The following NDUFS4 variants were observed in gnomAD, a reference collection of about 807,000 sequenced individuals.
NDUFS4 encodes NADH:ubiquinone oxidoreductase subunit S4.
In NDUFS4, 28 loss-of-function variants were observed where a neutral mutation model predicts 24.3. The observed-to-expected ratio is 1.15, with a 90% CI of 0.85 to 1.58. The LOEUF is 1.58. Among genes scored for constraint, NDUFS4 ranks in the 40% most tolerant of loss-of-function variants. The pLI is 0.00. For missense variants in NDUFS4, 223 were observed against 207.9 expected, an observed-to-expected ratio of 1.07 and a Z score of -0.45; for synonymous variants, 93 against 69.7, an observed-to-expected ratio of 1.34 and a Z score of -1.67.
intron 1 of NDUFS4, among the ~76,000 whole-genome samples, chr5:53,586,329 C>T (rs1355971168): frequency 1.4e-5 from 1 of 69,918 alleles, no homozygotes; most frequent in South Asian, 4.8e-4. Flanking sequence ...AACTTCATCT[C>T]AAAAAAAAAA....
At chr5:53,644,985 A>G (rs182708269) in intron 2 of NDUFS4, among the ~76,000 whole-genome samples, 3 of 152,240 alleles carry the variant, frequency 2.0e-5, no homozygotes, top group Non-Finnish European at 4.4e-5. Context: ...CTTACCAGCT[A>G]AGTATTCTTG....
chr5:53,597,607 G>A (rs575860683), intron 1 of NDUFS4, among the ~76,000 whole-genome samples: 195 of 152,242 alleles, frequency 1.3e-3, no homozygotes, highest in African/African-American at 4.7e-3. Context: ...TTTTTGAAAA[G>A]TGTATTTTGA....
chr5:53,581,644 T>G (rs1749570213), intron 1 of NDUFS4, among the ~76,000 whole-genome samples: 1 of 152,136 alleles, frequency 6.6e-6, no homozygotes. Context: ...CTTTGCCTAT[T>G]TAAGTCCTGT....
At chr5:53,681,865 T>G (rs1740675852) in intron 4 of NDUFS4, among the ~76,000 whole-genome samples, 1 of 152,246 alleles carries the variant, frequency 6.6e-6, no homozygotes, top group Non-Finnish European at 1.5e-5. Flanking sequence ...TAGTATACTT[T>G]GATGAGTTGA....
chr5:53,581,962 A>T (rs1382494266), intron 1 of NDUFS4, among the ~76,000 whole-genome samples: 1 of 152,226 alleles, frequency 6.6e-6, no homozygotes, highest in African/African-American at 2.4e-5. Flanking sequence ...CTGTAATCCC[A>T]GCACTTTGGG....
chr5:53,644,918 A>G (rs1751814875), intron 2 of NDUFS4, among the ~76,000 whole-genome samples: 1 of 152,126 alleles, frequency 6.6e-6, no homozygotes, highest in African/African-American at 2.4e-5. Flanking sequence ...TAGAGATAAT[A>G]GTCAAGTCAG....
At chr5:53,644,316 A>T (rs1483040182) in intron 2 of NDUFS4, among the ~76,000 whole-genome samples, 1 of 152,124 alleles carries the variant, frequency 6.6e-6, no homozygotes, top group Non-Finnish European at 1.5e-5. Flanking sequence ...AACAGAGGGG[A>T]TGCTTTGGAA....
At chr5:53,626,771 T>A (rs1325086093) in intron 2 of NDUFS4, among the ~76,000 whole-genome samples, 1 of 152,214 alleles carries the variant, frequency 6.6e-6, no homozygotes, top group Non-Finnish European at 1.5e-5. Flanking sequence ...CTTTGCAGAT[T>A]CTGGATATTA....
At chr5:53,642,376 G>A (rs531280698) in intron 2 of NDUFS4, among the ~76,000 whole-genome samples, 2 of 152,190 alleles carry the variant, frequency 1.3e-5, no homozygotes, top group South Asian at 4.1e-4. Context: ...GGCTTTTGTT[G>A]GGAGTGCATG....
chr5:53,668,903 C>T (rs1437210194), intron 4 of NDUFS4, among the ~76,000 whole-genome samples: 2 of 152,240 alleles, frequency 1.3e-5, no homozygotes, highest in Non-Finnish European at 2.9e-5. Flanking sequence ...CTCTGTGAAG[C>T]AGGAACAGTT....
At chr5:53,666,406 C>T (rs1280662418) in intron 4 of NDUFS4, among the ~76,000 whole-genome samples, 1 of 152,122 alleles carries the variant, frequency 6.6e-6, no homozygotes, top group Non-Finnish European at 1.5e-5. Flanking sequence ...ACTTCTACCT[C>T]CCCGGGAAAG....
At chr5:53,663,114 C>T (rs902633994) in intron 4 of NDUFS4, among the ~76,000 whole-genome samples, 68 of 152,060 alleles carry the variant, frequency 4.5e-4, no homozygotes, top group African/African-American at 1.6e-3. Flanking sequence ...TGTTCAGTTT[C>T]CATGTAGTTG....
chr5:53,561,844 C>T (rs1319131207), intron 1 of NDUFS4, among the ~76,000 whole-genome samples: 1 of 151,764 alleles, frequency 6.6e-6, no homozygotes, highest in African/African-American at 2.4e-5. Flanking sequence ...AGAGAGTGTC[C>T]CGTAGGGTCC....
chr5:53,584,167 A>C (rs2112432031), intron 1 of NDUFS4, among the ~76,000 whole-genome samples: 1 of 152,324 alleles, frequency 6.6e-6, no homozygotes, highest in Non-Finnish European at 1.5e-5. Flanking sequence ...AACTATTGGC[A>C]TTGCGATTAT....
At chr5:53,627,481 A>T (rs1257268738) in intron 2 of NDUFS4, among the ~76,000 whole-genome samples, 1 of 151,958 alleles carries the variant, frequency 6.6e-6, no homozygotes, top group African/African-American at 2.4e-5. Context: ...CAGTATGTTT[A>T]TTTTCACGAT....
chr5:53,683,039 C>G (rs895269664), intron 4 of NDUFS4, 79 bp from the exon 5 acceptor site: 3 of 916,702 alleles, frequency 3.3e-6, no homozygotes, highest in African/African-American at 3.3e-5. Flanking sequence ...GTTATAAAAG[C>G]TAGCCTCTGC....
intron 1 of NDUFS4, among the ~76,000 whole-genome samples, chr5:53,566,667 T>G (rs1749037093): frequency 1.3e-5 from 2 of 152,140 alleles, no homozygotes; most frequent in South Asian, 4.1e-4. Flanking sequence ...GTGTAGTATT[T>G]CCATATAACT....
chr5:53,633,052 G>A lies in NDUFS4; in HGVS notation c.178-13181G>A, dbSNP rs10054112. 9.7e-3 allele frequency among the ~76,000 whole-genome samples: 1,470 copies of A among 152,228 alleles called. 23 individuals are homozygous for A. Among genetic ancestry groups the A allele is most frequent in the African/African-American group, 0.034 (1,407 of 41,532 alleles). ...CCAGACTTCAGCTTTCAGTCATTGA[G>A]TCGTATGCTTTATCAAGACTCAGCG... On this transcript the variant is annotated intron_variant, in intron 2 of 4. Transcript: ENST00000296684.
At chr5:53,621,054 A>G (rs1291698763) in intron 2 of NDUFS4, among the ~76,000 whole-genome samples, 1 of 152,204 alleles carries the variant, frequency 6.6e-6, no homozygotes, top group African/African-American at 2.4e-5. Flanking sequence ...TTAACGTCTC[A>G]AACTATAATT....
Sources: allele counts gnomAD v4.1 joint callset (sites outside exome capture counted in the v4.1 genomes callset), GRCh38; gene constraint gnomAD v4.1.1; transcripts MANE v1.5; gene names NCBI Gene and HGNC (gene_info 2026-07-23, HGNC 2026-07-21).